CAMKMT: variants seen among roughly 807,000 people sequenced by gnomAD.
The protein encoded by CAMKMT is calmodulin-lysine N-methyltransferase, also known as CaM KMT.
CAMKMT carries 53 observed loss-of-function variants against 48.0 expected under a neutral mutation model. The ratio of observed to expected loss-of-function variants is 1.10; its 90% confidence interval spans 0.89 to 1.39. The LOEUF (loss-of-function observed/expected upper bound fraction) is 1.39. Ranked by LOEUF, CAMKMT falls within the 40% of genes most tolerant of loss-of-function variation. CAMKMT has a pLI of 0.00. For synonymous variants in CAMKMT, 165 were observed against 152.3 expected (o/e 1.08, Z -0.61); for missense variants, 428 against 402.7 (o/e 1.06, Z -0.54).
chr2:44,643,818 C>G (rs1673581358), intron 3 of CAMKMT, among the ~76,000 whole-genome samples: 1 of 152,142 alleles, frequency 6.6e-6, no homozygotes, highest in Admixed American at 6.5e-5. Flanking sequence ...AGACAAGATG[C>G]TGGTATCATA....
At chr2:44,387,342 A>G (rs1481843865) in intron 2 of CAMKMT, among the ~76,000 whole-genome samples, 3 of 151,578 alleles carry the variant, frequency 2.0e-5, no homozygotes, top group African/African-American at 7.2e-5. Context: ...TACGCCTGCT[A>G]GTTTTTGGTA....
chr2:44,577,261 A>T (rs999007608), intron 3 of CAMKMT, among the ~76,000 whole-genome samples: 3 of 152,262 alleles, frequency 2.0e-5, no homozygotes, highest in Non-Finnish European at 4.4e-5. Flanking sequence ...TCAAACTGGC[A>T]TATTAATTAT....
chr2:44,499,191 T>C (rs1669894357), intron 3 of CAMKMT, among the ~76,000 whole-genome samples: 1 of 152,170 alleles, frequency 6.6e-6, no homozygotes, highest in African/African-American at 2.4e-5. Context: ...ATGGAGAAAC[T>C]TGTAAGTATT....
chr2:44,703,735 G>A (rs1326719436), intron 3 of CAMKMT, among the ~76,000 whole-genome samples: 13 of 138,256 alleles, frequency 9.4e-5, no homozygotes, highest in East Asian at 6.3e-4. Flanking sequence ...CTGAGATCTC[G>A]CCACTGCACT....
chr2:44,516,071 A>T lies in CAMKMT; in HGVS notation c.376+125766A>T, dbSNP rs138370990. Among the ~76,000 whole-genome samples the T allele has an allele frequency of 1.0e-3, 154 of 152,306 alleles. 1 individual carries two copies. Among genetic ancestry groups the T allele is most frequent in the African/African-American group, 3.5e-3 (147 of 41,566 alleles). On this transcript the variant is annotated intron_variant, in intron 3 of 10. Transcript: ENST00000378494. The stretch of plus-strand genomic sequence containing the variant: ...TATGTACTAGAAGCCAAACAAAATT[A>T]TTTCATTGCTTACGGTGAAATGTAC...
In CAMKMT at chr2:44,589,635, T is replaced by C. The variant is rs1486662852; in HGVS notation, c.377-114648T>C. On this transcript the variant is annotated intron_variant, in intron 3 of 10. Coordinates refer to ENST00000378494, the MANE Select transcript of CAMKMT (RefSeq NM_024766.5). Reference sequence around the variant, plus strand: ...TGTGCTGTGTCCACTCAGGGTTACATGGATTAAAGGCGGTGCAAGATGTGC... The same window carrying C: ...TGTGCTGTGTCCACTCAGGGTTACACGGATTAAAGGCGGTGCAAGATGTGC... 1.2e-4 allele frequency among the ~76,000 whole-genome samples: 10 copies of C among 80,954 alleles called. 4 individuals are homozygous for C. Among genetic ancestry groups the C allele is most frequent in the African/African-American group, 4.7e-4 (10 of 21,176 alleles). The allele number at this position is 80,954 out of a possible 152,430, so 53.1% of individuals were successfully genotyped here.
intron 3 of CAMKMT, among the ~76,000 whole-genome samples, chr2:44,476,348 A>T (rs568169187): frequency 6.6e-6 from 1 of 152,268 alleles, no homozygotes; most frequent in South Asian, 2.1e-4. Context: ...CTCATTATCA[A>T]TATGTGGTCC....
chr2:44,543,118 C>T (rs1667220869), intron 3 of CAMKMT, among the ~76,000 whole-genome samples: 1 of 152,194 alleles, frequency 6.6e-6, no homozygotes. Context: ...TGTGATTTTC[C>T]TGCTTTTTAA....
At chr2:44,590,531 G>A (rs1670196894) in intron 3 of CAMKMT, among the ~76,000 whole-genome samples, 1 of 152,118 alleles carries the variant, frequency 6.6e-6, no homozygotes, top group Admixed American at 6.5e-5. Context: ...TTTTTCATGT[G>A]TTTTTTGGCT....
intron 3 of CAMKMT, among the ~76,000 whole-genome samples, chr2:44,646,266 T>G (rs1019399803): frequency 6.6e-6 from 1 of 152,142 alleles, no homozygotes; most frequent in African/African-American, 2.4e-5. Flanking sequence ...AGAAGAATAC[T>G]TCAACTCAGA....
intron 9 of CAMKMT, among the ~76,000 whole-genome samples, chr2:44,758,087 C>T (rs912641684): frequency 6.6e-6 from 1 of 152,170 alleles, no homozygotes; most frequent in Non-Finnish European, 1.5e-5. Flanking sequence ...ACGGTCCCCA[C>T]GGAGTGGGGG....
intron 3 of CAMKMT, among the ~76,000 whole-genome samples, chr2:44,470,013 C>T (rs1668331379): frequency 6.6e-6 from 1 of 151,630 alleles, no homozygotes; most frequent in Non-Finnish European, 1.5e-5. Context: ...GTTAGATTTT[C>T]TATATAGATA....
intron 10 of CAMKMT, among the ~76,000 whole-genome samples, chr2:44,768,931 C>G: frequency 6.6e-6 from 1 of 152,112 alleles, no homozygotes; most frequent in East Asian, 1.9e-4. Context: ...CTGTAAGACG[C>G]CTGATAATGC....
chr2:44,400,391 A>G (rs906925276), intron 3 of CAMKMT, among the ~76,000 whole-genome samples: 2 of 152,074 alleles, frequency 1.3e-5, no homozygotes, highest in African/African-American at 4.8e-5. Flanking sequence ...CTGAGCTCAC[A>G]TGGTAATTAT....
chr2:44,501,147 A>G (rs1240944139), intron 3 of CAMKMT, among the ~76,000 whole-genome samples: 3 of 151,044 alleles, frequency 2.0e-5, no homozygotes, highest in African/African-American at 7.3e-5. Flanking sequence ...TGAATATTTT[A>G]TATACATACC....
In CAMKMT at chr2:44,654,865, T is replaced by C. The variant is rs543571856; in HGVS notation, c.377-49418T>C. Among the ~76,000 whole-genome samples, 13 of 152,340 alleles carry C rather than the reference T, an allele frequency of 8.5e-5. No homozygotes were observed. The South Asian group carries it at 2.1e-3, about 24-fold the overall frequency. On this transcript the variant is annotated intron_variant, in intron 3 of 10. Coordinates refer to ENST00000378494, the MANE Select transcript of CAMKMT (RefSeq NM_024766.5). ...TTCATGTCTTAGGAATATTTCTCAG[T>C]GTCAATAAATATTTCTAGGAACCAT... is the stretch of plus-strand genomic sequence containing the variant.
chr2:44,370,231 G>A (rs1679020274), intron 1 of CAMKMT, among the ~76,000 whole-genome samples: 1 of 152,222 alleles, frequency 6.6e-6, no homozygotes, highest in Non-Finnish European at 1.5e-5. Flanking sequence ...AGTATTTAAT[G>A]AAGAATGTGG....
intron 9 of CAMKMT, among the ~76,000 whole-genome samples, chr2:44,756,846 T>C (rs1257904527): frequency 6.6e-6 from 1 of 152,132 alleles, no homozygotes; most frequent in Non-Finnish European, 1.5e-5. Context: ...ATACAGCAAG[T>C]TCTCCGTGCA....
chr2:44,767,458 G>C (rs1290278714), intron 10 of CAMKMT, among the ~76,000 whole-genome samples: 3 of 152,194 alleles, frequency 2.0e-5, no homozygotes, highest in African/African-American at 7.2e-5. Flanking sequence ...ATGTAGAAGT[G>C]TGTTGGCTTT....
Sources: allele counts gnomAD v4.1 joint callset (sites outside exome capture counted in the v4.1 genomes callset), GRCh38; gene constraint gnomAD v4.1.1; transcripts MANE v1.5; gene names NCBI Gene and HGNC (gene_info 2026-07-23, HGNC 2026-07-21).